The following HLTF variants were observed in gnomAD, a reference collection of about 807,000 sequenced individuals.
The protein encoded by HLTF is helicase like transcription factor, also known as DNA-dependent ATPase/E3 ubiquitin-protein ligase HLTF.
HLTF carries 127 observed loss-of-function variants against 129.4 expected under a neutral mutation model. That is an observed-to-expected ratio of 0.98 (90% CI 0.85 to 1.14). The LOEUF is 1.14. Ranked by LOEUF, HLTF falls within the 50% of genes most tolerant of loss-of-function variation. HLTF has a pLI of 0.00. For synonymous variants in HLTF, 332 were observed against 388.8 expected (o/e 0.85, Z 1.72); for missense variants, 1,139 against 1,187.1 (o/e 0.96, Z 0.60).
intron 3 of HLTF, among the ~76,000 whole-genome samples, chr3:149,075,426 GTAGC>G (rs1251702580): frequency 5.9e-5 from 9 of 152,158 alleles, no homozygotes; most frequent in African/African-American, 2.2e-4. Context: ...GCAGGCACCT[GTAGC>G]TACTCAGGAG....
chr3:149,035,141 C>T (rs1161843140), intron 23 of HLTF, 143 bp from the exon 24 acceptor site: 1 of 668,500 alleles, frequency 1.5e-6, no homozygotes, highest in Non-Finnish European at 2.7e-6. Context: ...ATCACAAATA[C>T]TCTGGGGAAA....
intron 10 of HLTF, among the ~76,000 whole-genome samples, chr3:149,061,212 G>C (rs919667214): frequency 6.6e-6 from 1 of 151,958 alleles, no homozygotes; most frequent in South Asian, 2.1e-4. Context: ...TAGGACTACA[G>C]GTGCGTGCCA....
chr3:149,066,106 G>A (rs1199430789), intron 8 of HLTF, among the ~76,000 whole-genome samples: 1 of 151,868 alleles, frequency 6.6e-6, no homozygotes, highest in Non-Finnish European at 1.5e-5. Context: ...GAGTGCAACG[G>A]CACAATCTCG....
In HLTF at chr3:149,037,902, G is replaced by A. The variant is rs376884709; in HGVS notation, c.2796+1147C>T. On this transcript the variant is annotated intron_variant, in intron 23 of 24. Transcript: ENST00000310053. ...AAAACACGCTCCTATGTGAATGCAC[G>A]TCCAGGTCACACAGCTTGGTGAGTA... Among the ~76,000 whole-genome samples the A allele has an allele frequency of 3.3e-4, 50 of 152,240 alleles. 1 individual carries two copies. The highest frequency in any genetic ancestry group is 1.0e-3 in the African/African-American group (43 of 41,540).
In HLTF at chr3:149,083,918, C is replaced by CA. The variant is rs1236381974; in HGVS notation, c.228+763dup. On this transcript the variant is annotated intron_variant, in intron 2 of 24. Coordinates refer to ENST00000310053, the MANE Select transcript of HLTF (RefSeq NM_003071.4). ...TGGGCAACAAAACGAAACTTGGTCT[C>CA]AAAAAAAAAGAAAAAAAAAAAAATC... Among the ~76,000 whole-genome samples the CA allele has an allele frequency of 6.5e-4, 53 of 81,206 alleles. 1 individual carries two copies. The highest frequency in any genetic ancestry group is 1.8e-3 in the African/African-American group (39 of 21,092). 53.3% of individuals were successfully genotyped at this position (81,206 alleles called of 152,430 possible).
chr3:149,043,841 G>A lies in HLTF; in HGVS notation c.2073-1551C>T, dbSNP rs374583115. ...CTTGAGCTTCCTCAGTTCTAACAGT[G>A]GCATTGTAAAAGTACCTACCTCATA... On this transcript the variant is annotated intron_variant, in intron 18 of 24. Transcript: ENST00000310053. Among the ~76,000 whole-genome samples the A allele has an allele frequency of 1.3e-4, 20 of 152,160 alleles. No individual in the cohort carries two copies. The East Asian group carries it at 3.9e-3, about 29-fold the overall frequency.
chr3:149,038,567 A>G (rs1349117792), intron 23 of HLTF, among the ~76,000 whole-genome samples: 1 of 152,042 alleles, frequency 6.6e-6, no homozygotes, highest in Non-Finnish European at 1.5e-5. Flanking sequence ...CAGTGACAGG[A>G]GCATGGCTCA....
In HLTF at chr3:149,055,295, A is replaced by G; in HGVS notation, c.1473+8T>C. 1.9e-6 allele frequency: 3 copies of G among 1,589,436 alleles called. No individual in the cohort carries two copies. The highest frequency in any genetic ancestry group is 2.6e-6 in the Non-Finnish European group (3 of 1,157,908). On this transcript the variant is annotated splice_region_variant and intron_variant, in intron 14 of 24. Coordinates refer to ENST00000310053, the MANE Select transcript of HLTF (RefSeq NM_003071.4). ...TATGTTACATTTTTAAAGGGCTTAA[A>G]GACTTACAATCCAGTTGCTTAACAC...
At chr3:149,048,285 CAATTA>C in intron 16 of HLTF, 122 bp from the exon 17 acceptor site, 2 of 571,582 alleles carry the variant, frequency 3.5e-6, no homozygotes, top group Non-Finnish European at 2.9e-6. Flanking sequence ...TCATCATTAT[CAATTA>C]AATTAAACTA....
rs903832804 is a variant in HLTF at position 149,048,995 on chromosome 3, C to G, written c.1624G>C (p.Gly542Arg). ...NILTHDYGTK[G>R]DSPLHSIRWL... ...CTTATGCTATGTAATGGACTATCTC[C>G]TTTAGTCTGAAATAAATGTTTTATA... The change falls in exon 16 of 25, where the codon GGA becomes CGA. Residue 542 changes from glycine to arginine, a missense_variant. Gly to Arg is a moderately radical substitution (Grantham distance 125, BLOSUM62 -2). Transcript: ENST00000310053. The G allele has an allele frequency of 3.8e-6, 6 of 1,595,238 alleles. No individual in the cohort carries two copies. The highest frequency in any genetic ancestry group is 1.3e-5 in the African/African-American group (1 of 74,320).
In HLTF at chr3:149,030,422, T is replaced by C. The variant is rs1391228697; in HGVS notation, c.*1798A>G. 6.6e-6 allele frequency: 1 copy of C among 152,152 alleles called. No homozygotes were observed. The highest frequency in any genetic ancestry group is 1.5e-5 in the Non-Finnish European group (1 of 68,014). The allele number at this position is 152,152 out of a possible 1,614,324, so 9.4% of individuals were successfully genotyped here. A position where few individuals can be genotyped will look rare whatever the true frequency, so the allele number is the denominator to read the frequency against. On this transcript the variant is annotated 3_prime_UTR_variant, in exon 25 of 25. Transcript: ENST00000310053. ...TTTTTAAACAACTTGCCAAACTTAC[T>C]TATGAGTGTGTTTTAAAAACAACTT... is the stretch of plus-strand genomic sequence containing the variant.
Position 149,041,490 on chromosome 3 carries a change from C to A in HLTF, c.2376G>T (p.Gln792His), listed in dbSNP as rs1221009552. Residue 792 changes from glutamine (Q) to histidine (H), a missense_variant and splice_region_variant, in exon 20 of 25, where the codon CAG becomes CAT. Gln to His is a conservative substitution (Grantham distance 24). Transcript: ENST00000310053. ...AACCTGTACTGAGCAAAAAACTAAC[C>A]TGCTCATTCTGAATGACTTGGCAAA... ...PCICQVIQNE[Q>H]PHAKCPLCRN... is the part of the protein sequence containing the mutation. 3 of 1,610,656 alleles carry A rather than the reference C, an allele frequency of 1.9e-6. No individual in the cohort carries two copies. The highest frequency in any genetic ancestry group is 2.5e-6 in the Non-Finnish European group (3 of 1,177,792).
rs920382310 is a variant in HLTF at position 149,086,206 on chromosome 3, C to T, written c.20+111G>A. 12 of 1,139,898 alleles carry T rather than the reference C, an allele frequency of 1.1e-5. No individual in the cohort carries two copies. In the African/African-American group the frequency reaches 1.8e-4, roughly 17 times the overall value. 70.6% of individuals were successfully genotyped at this position (1,139,898 alleles called of 1,614,324 possible). ...ACATATGCGACCAACAGAACGAATA[C>T]AGCTGCACAAATCGCCCAGGGAACG... On this transcript the variant is annotated intron_variant, in intron 1 of 24. Coordinates refer to ENST00000310053, the MANE Select transcript of HLTF (RefSeq NM_003071.4).
At chr3:149,039,350 T>C (rs1715922145) in intron 22 of HLTF, 121 bp from the exon 23 acceptor site, 6 of 775,896 alleles carry the variant, frequency 7.7e-6, no homozygotes, top group African/African-American at 1.8e-5. Flanking sequence ...CAAATGTTTA[T>C]TGAACACTTA....
In HLTF at chr3:149,041,591, C is replaced by A; in HGVS notation, c.2275G>T (p.Glu759Ter). Reference protein sequence around the residue: ...KLILSSGSDEECAICLDSLTV... With the variant: ...KLILSSGSDE ...AAAGAATCCAGGCAAATTGCACATT[C>A]CTCATCTGAACCTGAGCTCAGAATT... Residue 759 changes from glutamate (E) to a stop codon, truncating the protein, a stop_gained, in exon 20 of 25, where the codon GAA (glutamate) becomes TAA (stop). Coordinates refer to ENST00000310053, the MANE Select transcript of HLTF (RefSeq NM_003071.4). LOFTEE classifies it high-confidence loss of function. The A allele has an allele frequency of 6.2e-7, 1 of 1,611,806 alleles. No homozygotes were observed. The highest frequency in any genetic ancestry group is 8.5e-7 in the Non-Finnish European group (1 of 1,178,046).
At chr3:149,055,804 C>T (rs868498518) in intron 13 of HLTF, among the ~76,000 whole-genome samples, 2 of 152,168 alleles carry the variant, frequency 1.3e-5, no homozygotes, top group Admixed American at 6.5e-5. Flanking sequence ...CATACTCCAC[C>T]AGGACTGGTC....
intron 7 of HLTF, 48 bp from the exon 8 acceptor site, chr3:149,068,383 T>A (rs771233265): frequency 1.9e-5 from 16 of 861,220 alleles, no homozygotes; most frequent in Non-Finnish European, 2.2e-5. Flanking sequence ...GAAACCCAGT[T>A]CACCAGAAAA....
chr3:149,073,920 T>C (rs1452939381), intron 4 of HLTF, among the ~76,000 whole-genome samples: 1 of 152,200 alleles, frequency 6.6e-6, no homozygotes, highest in Non-Finnish European at 1.5e-5. Flanking sequence ...GGTTTCCAGA[T>C]GTTACCATTA....
Position 149,039,647 on chromosome 3 carries a change from G to A in HLTF, c.2549C>T (p.Pro850Leu), listed in dbSNP as rs201738138. Residue 850 changes from proline to leucine, a missense_variant, in exon 22 of 25, where the codon CCC (proline) becomes CTC (leucine). Physicochemically the swap from Pro to Leu is moderately conservative, Grantham distance 98. Coordinates refer to ENST00000310053, the MANE Select transcript of HLTF (RefSeq NM_003071.4). ...AGAAACAACCAAACTTTTTATGTTG[G>A]GATTCTTCTTTCTTAAGTCAGTCAA... ...HALTDLRKKN[P>L]NIKSLVVSQF... 3.1e-6 allele frequency: 5 copies of A among 1,606,618 alleles called. No homozygotes were observed. Among genetic ancestry groups the A allele is most frequent in the Non-Finnish European group, 4.2e-6 (5 of 1,176,556 alleles).
Sources: gnomAD v4.1 joint callset for allele counts (sites outside exome capture counted in the v4.1 genomes callset) on GRCh38, gnomAD v4.1.1 for gene constraint, MANE v1.5 for transcripts, NCBI Gene and HGNC (gene_info 2026-07-23, HGNC 2026-07-21) for gene names.